DNHD1: variants seen among roughly 807,000 people sequenced by gnomAD.
DNHD1 encodes dynein heavy chain domain 1.
DNHD1 carries 383 observed loss-of-function variants against 458.1 expected under a neutral mutation model. That is an observed-to-expected ratio of 0.84 (90% CI 0.77 to 0.91). DNHD1 has a LOEUF of 0.91. DNHD1 is among the 40% of genes least tolerant of loss of function. The probability of loss-of-function intolerance (pLI) is 0.00; values close to 1 mark genes in which losing one functional copy is unlikely to be tolerated. For missense variants in DNHD1, 5,336 were observed against 5,866.1 expected, an observed-to-expected ratio of 0.91 and a Z score of 2.95; for synonymous variants, 2,203 against 2,376.9, an observed-to-expected ratio of 0.93 and a Z score of 2.13.
chr11:6,568,905 CAACA>C (rs750885318), intron 39 of DNHD1, 39 bp downstream of exon 39: 539 of 1,563,912 alleles, frequency 3.4e-4, no homozygotes, highest in Non-Finnish European at 4.4e-4. Context: ...GTCAATCACT[CAACA>C]AACATTGAGT....
chr11:6,526,573 C>T (rs1281272150), intron 10 of DNHD1, among the ~76,000 whole-genome samples: 1 of 150,536 alleles, frequency 6.6e-6, no homozygotes, highest in Non-Finnish European at 1.5e-5. Context: ...AGTTCTCTAA[C>T]CTCTAAGTTT....
In DNHD1 at chr11:6,545,847, G is replaced by A. The variant is rs200820770; in HGVS notation, c.4908G>A (p.Ala1636=). 1,558 of 1,551,808 alleles carry A rather than the reference G, an allele frequency of 1.0e-3. 30 individuals carry two copies. The South Asian group carries it at 0.017, about 17-fold the overall frequency. ...IASSEPSLSP[A]ACWIDVLGRS... ...CTTCTGAACCCTCTCTGTCACCAGC[G>A]GCATGCTGGATAGATGTGCTAGGCA... Residue 1636 remains alanine (A), a synonymous_variant, in exon 21 of 43, where the codon GCG becomes GCA. Transcript: ENST00000254579. The surrounding 1 kb of genome is among the most constrained non-coding windows in gnomAD (Gnocchi z 4.9).
chr11:6,547,945 T>C lies in DNHD1; in HGVS notation c.6810T>C (p.Ser2270=). 4.5e-6 allele frequency: 7 copies of C among 1,551,880 alleles called. No individual in the cohort carries two copies. The highest frequency in any genetic ancestry group is 6.1e-6 in the Non-Finnish European group (7 of 1,147,036). ...TTCTAAACCGGTCCCAGGTTGACAG[T>C]GACGATGTGCCAGATAAGTGCAGGG... The part of the protein sequence containing the change: ...SSFLNRSQVD[S]DDVPDKCREH... Residue 2270 remains serine (S), a synonymous_variant, in exon 22 of 43, where the codon AGT becomes AGC. Coordinates refer to ENST00000254579, the MANE Select transcript of DNHD1 (RefSeq NM_144666.3).
At position 6,505,429 on chromosome 11, in the gene DNHD1, T is replaced by C. The variant is rs932046318; in HGVS notation, c.920+2503T>C. ...TAATATGACTGGCTAATTTTTGTATTTTTATTAGAGACGGGGTTTTGCCAC... is the reference window on the plus strand; with the variant it reads ...TAATATGACTGGCTAATTTTTGTATCTTTATTAGAGACGGGGTTTTGCCAC... On this transcript the variant is annotated intron_variant, in intron 4 of 42. Coordinates refer to ENST00000254579, the MANE Select transcript of DNHD1 (RefSeq NM_144666.3). This position sits in a 1 kb window ranked among gnomAD's most constrained non-coding sequence, Gnocchi z 4.4. 2.6e-5 allele frequency among the ~76,000 whole-genome samples: 4 copies of C among 151,760 alleles called. No homozygotes were observed. The highest frequency in any genetic ancestry group is 5.9e-5 in the Non-Finnish European group (4 of 67,950).
chr11:6,555,457 G>A (rs946734932), intron 24 of DNHD1, among the ~76,000 whole-genome samples: 2 of 152,194 alleles, frequency 1.3e-5, no homozygotes, highest in African/African-American at 4.8e-5. Flanking sequence ...CTAGGCATTA[G>A]GCTGTCCATC....
At chr11:6,564,863 C>T in intron 32 of DNHD1, 59 bp downstream of exon 32, 1 of 1,336,590 alleles carries the variant, frequency 7.5e-7, no homozygotes. Flanking sequence ...AACACTCAGC[C>T]TCATGTGGTC....
intron 4 of DNHD1, 181 bp from the exon 5 acceptor site, chr11:6,508,699 T>A (rs1419105366): frequency 1.6e-6 from 1 of 616,266 alleles, no homozygotes; most frequent in Non-Finnish European, 2.8e-6. Context: ...CTTCGGTTTC[T>A]TCTTAATAAT....
At chr11:6,539,806 C>T (rs1018167672) in intron 17 of DNHD1, 70 bp from the exon 18 acceptor site, 2 of 1,435,470 alleles carry the variant, frequency 1.4e-6, no homozygotes, top group East Asian at 2.5e-5. Context: ...ATCCAATCCC[C>T]AAGTCTCGGC....
intron 3 of DNHD1, among the ~76,000 whole-genome samples, chr11:6,502,080 A>G (rs1411678452): frequency 1.3e-5 from 2 of 152,192 alleles, no homozygotes; most frequent in Admixed American, 6.5e-5. Flanking sequence ...GGTCTCCCCA[A>G]CTAAAAATTA....
Position 6,570,056 on chromosome 11 carries a change from G to A in DNHD1, c.12911G>A (p.Trp4304Ter), listed in dbSNP as rs1412593346. 1.9e-6 allele frequency: 3 copies of A among 1,613,928 alleles called. No homozygotes were observed. Among genetic ancestry groups the A allele is most frequent in the Non-Finnish European group, 2.5e-6 (3 of 1,179,862 alleles). Residue 4304 changes from tryptophan (W) to a stop codon, truncating the protein, a stop_gained, in exon 40 of 43, where the codon TGG becomes TAG. Coordinates refer to ENST00000254579, the MANE Select transcript of DNHD1 (RefSeq NM_144666.3). LOFTEE classifies it high-confidence loss of function. ...TQVLQTQDQL[W>*]ASLSNPRAAM... The stretch of plus-strand genomic sequence containing the variant: ...GTTCTTCAGACCCAAGACCAGCTGT[G>A]GGCAAGTCTTAGCAATCCCCGTGCT...
intron 10 of DNHD1, among the ~76,000 whole-genome samples, chr11:6,524,814 C>T (rs925584316): frequency 2.0e-5 from 3 of 152,126 alleles, no homozygotes; most frequent in Non-Finnish European, 2.9e-5. Context: ...AAACTACGTA[C>T]GCACCTATAA....
In DNHD1 at chr11:6,511,361, G is replaced by A. The variant is rs375892626; in HGVS notation, c.1324G>A (p.Glu442Lys). The A allele has an allele frequency of 1.4e-5, 23 of 1,614,102 alleles. No homozygotes were observed. In the South Asian group the frequency reaches 1.5e-4, roughly 11 times the overall value. The change falls in exon 7 of 43, where the codon GAG becomes AAG. Residue 442 changes from glutamate (E) to lysine (K), a missense_variant. Glu to Lys is a moderately conservative substitution (Grantham distance 56). Around this residue, in one of 4 missense-constraint regions of DNHD1, gnomAD observed 3,932 missense variants for 4,365.6 expected, o/e 0.90. Coordinates refer to ENST00000254579, the MANE Select transcript of DNHD1 (RefSeq NM_144666.3). The stretch of plus-strand genomic sequence containing the variant: ...GCTGGACCTGCAGACGGCTCTAGCC[G>A]AGGAGAAGCATAAGGCTCTACGGCT... ...ELLDLQTALA[E>K]EKHKALRLLH...
chr11:6,555,238 G>GTCTCTC (rs57151381), intron 24 of DNHD1, among the ~76,000 whole-genome samples: 1 of 151,668 alleles, frequency 6.6e-6, no homozygotes, highest in Non-Finnish European at 1.5e-5. Flanking sequence ...TTCTCTCTCT[G>GTCTCTC]TCTCTCTCAA....
At position 6,558,220 on chromosome 11, in the gene DNHD1, G is replaced by A; in HGVS notation, c.8925G>A (p.Leu2975=). ...CTGGCCAGTACACAGAAGCAGATTT[G>A]GACCGCATTGGAGAACACCTCCCCA... ...SFPGQYTEAD[L]DRIGEHLPRE... The change falls in exon 25 of 43, where the codon TTG becomes TTA. Residue 2975 remains leucine (L), a synonymous_variant. Coordinates refer to ENST00000254579, the MANE Select transcript of DNHD1 (RefSeq NM_144666.3). 1 of 1,551,702 alleles carries A rather than the reference G, an allele frequency of 6.4e-7. No homozygotes were observed. The highest frequency in any genetic ancestry group is 1.2e-5 in the South Asian group (1 of 84,058).
chr11:6,554,051 A>G (rs1024018704), intron 24 of DNHD1, among the ~76,000 whole-genome samples: 2 of 152,186 alleles, frequency 1.3e-5, no homozygotes, highest in Admixed American at 6.5e-5. Context: ...GAAAAAGAAC[A>G]AAGTTGGGAC....
At chr11:6,517,331 A>G (rs1318305393) in intron 7 of DNHD1, among the ~76,000 whole-genome samples, 1 of 152,242 alleles carries the variant, frequency 6.6e-6, no homozygotes, top group East Asian at 1.9e-4. Flanking sequence ...CCCTTTGAAT[A>G]GAACTGTCAT....
Position 6,498,586 on chromosome 11 carries a change from TGGACCTGCTAG to T in DNHD1, c.373_383del (p.Asp125CysfsTer20). 6.2e-7 allele frequency: 1 copy of T among 1,614,254 alleles called. No homozygotes were observed. The highest frequency in any genetic ancestry group is 1.3e-5 in the African/African-American group (1 of 75,070). On this transcript the variant is annotated frameshift_variant, in exon 3 of 43. Transcript: ENST00000254579. LOFTEE classifies it high-confidence loss of function. ...CCCTGGGTCCAAACCCACCTCCATC[TGGACCTGCTAG>T]GTGCCATTGTCCAGGCCTTTCCTCC...
rs1166380777 is a variant in DNHD1 at position 6,547,052 on chromosome 11, C to T, written c.6113C>T (p.Pro2038Leu). The T allele has an allele frequency of 6.4e-7, 1 of 1,551,692 alleles. No homozygotes were observed. ...ITHLYPSGLS[P>L]QEFLGWLEGS... is the part of the protein sequence containing the mutation. ...CACCTGTACCCCAGTGGCCTCAGCC[C>T]CCAGGAGTTCCTGGGATGGCTAGAG... Residue 2038 changes from proline (P) to leucine (L), a missense_variant, in exon 21 of 43, where the codon CCC becomes CTC. Pro to Leu is a moderately conservative substitution (Grantham distance 98, BLOSUM62 -3). Around this residue, in one of 4 missense-constraint regions of DNHD1, gnomAD observed 3,932 missense variants for 4,365.6 expected, o/e 0.90. Coordinates refer to ENST00000254579, the MANE Select transcript of DNHD1 (RefSeq NM_144666.3).
intron 24 of DNHD1, 145 bp downstream of exon 24, chr11:6,549,078 G>C: frequency 2.2e-6 from 2 of 911,894 alleles, no homozygotes; most frequent in Middle Eastern, 3.3e-4. Context: ...TTCTACATAT[G>C]CTCCCTGAAC....
Sources: gnomAD v4.1 joint callset for allele counts (sites outside exome capture counted in the v4.1 genomes callset) on GRCh38, gnomAD v4.1.1 for gene constraint, gnomAD v4.1.1 regional missense constraint, Gnocchi (gnomAD v3.1) non-coding constraint, MANE v1.5 for transcripts, NCBI Gene and HGNC (gene_info 2026-07-23, HGNC 2026-07-21) for gene names.